SEPTIN11: variants seen among roughly 807,000 people sequenced by gnomAD.
SEPTIN11 encodes the protein septin-11.
SEPTIN11 carries 25 observed loss-of-function variants against 51.4 expected under a neutral mutation model. That is an observed-to-expected ratio of 0.49 (90% CI 0.35 to 0.68). The LOEUF (loss-of-function observed/expected upper bound fraction) is 0.68. SEPTIN11 is among the 30% of genes least tolerant of loss of function. SEPTIN11 has a pLI of 0.00. For missense variants in SEPTIN11, 381 were observed against 520.8 expected, an observed-to-expected ratio of 0.73 and a Z score of 2.61; for synonymous variants, 174 against 184.1, an observed-to-expected ratio of 0.95 and a Z score of 0.44.
intron 1 of SEPTIN11, among the ~76,000 whole-genome samples, chr4:76,983,846 A>G (rs911616247): frequency 5.9e-5 from 9 of 152,142 alleles, no homozygotes; most frequent in African/African-American, 2.2e-4. Flanking sequence ...CGTGTCTACT[A>G]AAAATACAAA....
chr4:76,965,103 C>T (rs1335740198), intron 1 of SEPTIN11, among the ~76,000 whole-genome samples: 1 of 152,038 alleles, frequency 6.6e-6, no homozygotes, highest in Non-Finnish European at 1.5e-5. Context: ...GCTTGCTTGG[C>T]ATTGTAGATA....
rs576915878 is a variant in SEPTIN11, at chr4:77,018,300, T to G, written c.688-865T>G. On this transcript the variant is annotated intron_variant, in intron 5 of 9. Coordinates refer to ENST00000264893, the MANE Select transcript of SEPTIN11 (RefSeq NM_018243.4). ...CCCGTTTCTACTAAAAATACAAAAATTAGCTGGGCATGGTGGCCGGTGCCT... is the reference window on the plus strand; with the variant it reads ...CCCGTTTCTACTAAAAATACAAAAAGTAGCTGGGCATGGTGGCCGGTGCCT... Among the ~76,000 whole-genome samples the G allele has an allele frequency of 7.2e-5, 11 of 152,082 alleles. No homozygotes were observed. The South Asian group carries it at 2.3e-3, about 32-fold the overall frequency.
chr4:76,997,063 T>C (rs576241562), intron 2 of SEPTIN11, among the ~76,000 whole-genome samples: 68 of 152,082 alleles, frequency 4.5e-4, no homozygotes, highest in Non-Finnish European at 8.8e-4. Flanking sequence ...GCCATATCCT[T>C]TTTGGACTAA....
At chr4:76,981,177 G>A (rs10518161) in intron 1 of SEPTIN11, among the ~76,000 whole-genome samples, 2,598 of 152,200 alleles carry the variant, frequency 0.017, 78 homozygotes, top group African/African-American at 0.059. Flanking sequence ...GATTTATAAC[G>A]GATTGTTGTA....
chr4:76,957,351 A>T (rs1438221153), intron 1 of SEPTIN11, among the ~76,000 whole-genome samples: 2 of 152,106 alleles, frequency 1.3e-5, no homozygotes, highest in Non-Finnish European at 2.9e-5. Flanking sequence ...CTCTACTGAG[A>T]GGCCATAGTG....
At chr4:76,997,818 G>T (rs1215989796) in intron 2 of SEPTIN11, among the ~76,000 whole-genome samples, 1 of 152,200 alleles carries the variant, frequency 6.6e-6, no homozygotes, top group Non-Finnish European at 1.5e-5. Flanking sequence ...TTGGCAATTT[G>T]TTGGGTTTCT....
At position 77,000,154 on chromosome 4, in the gene SEPTIN11, G is replaced by T. The variant is rs77310420; in HGVS notation, c.142+3615G>T. ...TTGAAGAAGAACCAGTTTGATAGTA[G>T]AGTCAAAGTAAATTAGTAATACATT... is the stretch of plus-strand genomic sequence containing the variant. On this transcript the variant is annotated intron_variant, in intron 2 of 9. Transcript: ENST00000264893. 5.5e-4 allele frequency among the ~76,000 whole-genome samples: 84 copies of T among 152,298 alleles called. 1 individual carries two copies. In the East Asian group the frequency reaches 0.013, roughly 23 times the overall value.
In SEPTIN11 at chr4:76,995,659, T is replaced by G. The variant is rs561988387; in HGVS notation, c.28-766T>G. On this transcript the variant is annotated intron_variant, in intron 1 of 9. Coordinates refer to ENST00000264893, the MANE Select transcript of SEPTIN11 (RefSeq NM_018243.4). Reference sequence around the variant, plus strand: ...TATCTCCAACACCCACGGGATGCATTCAAAGTTGTGGGGGCAGCCAGTACC... The same window carrying G: ...TATCTCCAACACCCACGGGATGCATGCAAAGTTGTGGGGGCAGCCAGTACC... 3 of 822,484 alleles carry G rather than the reference T, an allele frequency of 3.6e-6. No homozygotes were observed. The South Asian group carries it at 7.9e-5, about 22-fold the overall frequency. 50.9% of individuals were successfully genotyped at this position (822,484 alleles called of 1,614,324 possible).
intron 3 of SEPTIN11, among the ~76,000 whole-genome samples, chr4:77,008,438 A>G (rs1724637539): frequency 6.6e-6 from 1 of 152,208 alleles, no homozygotes. Flanking sequence ...TGGCCTTTAA[A>G]TTTTAAGTTT....
At chr4:76,957,719 G>A (rs1429832648) in intron 1 of SEPTIN11, among the ~76,000 whole-genome samples, 1 of 151,878 alleles carries the variant, frequency 6.6e-6, no homozygotes, top group African/African-American at 2.4e-5. Context: ...GAACCACACA[G>A]GCTTCCCATT....
At chr4:76,971,620 G>A (rs562232478) in intron 1 of SEPTIN11, among the ~76,000 whole-genome samples, 9 of 152,188 alleles carry the variant, frequency 5.9e-5, no homozygotes, top group South Asian at 4.1e-4. Flanking sequence ...ATCTTTCTAC[G>A]TATTGTGATC....
intron 7 of SEPTIN11, among the ~76,000 whole-genome samples, chr4:77,027,566 G>A (rs1379145461): frequency 2.6e-5 from 4 of 152,122 alleles, no homozygotes; most frequent in African/African-American, 9.7e-5. Context: ...GATATGTGGT[G>A]GTCTGCATGG....
chr4:77,035,439 C>A lies in SEPTIN11; in HGVS notation c.*927C>A. On this transcript the variant is annotated 3_prime_UTR_variant, in exon 10 of 10. Transcript: ENST00000264893. ...TACTTGTACTTCTAATAACATTTTT[C>A]ATGAATCATGAGAAAATTTCCACAG... 25 of 985,330 alleles carry A rather than the reference C, an allele frequency of 2.5e-5. No homozygotes were observed. The highest frequency in any genetic ancestry group is 3.0e-5 in the Non-Finnish European group (25 of 829,850). 61.0% of individuals were successfully genotyped at this position (985,330 alleles called of 1,614,324 possible).
chr4:76,967,770 T>C (rs987182032), intron 1 of SEPTIN11, among the ~76,000 whole-genome samples: 5 of 152,052 alleles, frequency 3.3e-5, no homozygotes, highest in African/African-American at 1.2e-4. Flanking sequence ...CCTTTTAGAA[T>C]GATTTAACAT....
chr4:77,032,490 C>T (rs1291509577), intron 9 of SEPTIN11, among the ~76,000 whole-genome samples: 1 of 152,188 alleles, frequency 6.6e-6, no homozygotes, highest in Admixed American at 6.5e-5. Flanking sequence ...CCAGTGAAGA[C>T]AGATGAAAGC....
At chr4:77,000,092 A>G (rs1193935661) in intron 2 of SEPTIN11, among the ~76,000 whole-genome samples, 1 of 152,268 alleles carries the variant, frequency 6.6e-6, no homozygotes, top group Non-Finnish European at 1.5e-5. Flanking sequence ...TTGTAAACAT[A>G]CAAAGGTGAA....
At chr4:76,997,550 C>A (rs76347495) in intron 2 of SEPTIN11, among the ~76,000 whole-genome samples, 3,159 of 152,224 alleles carry the variant, frequency 0.021, 114 homozygotes, top group African/African-American at 0.072. Flanking sequence ...TAGTAGAAAG[C>A]CACAATTGGC....
chr4:77,012,184 A>AT (rs1724917434), intron 4 of SEPTIN11, among the ~76,000 whole-genome samples: 1 of 151,950 alleles, frequency 6.6e-6, no homozygotes, highest in Admixed American at 6.6e-5. Flanking sequence ...AGGTTGAAAT[A>AT]TAACTTCCAG....
At chr4:77,031,033 T>A in intron 9 of SEPTIN11, 63 bp downstream of exon 9, 1 of 1,450,714 alleles carries the variant, frequency 6.9e-7, no homozygotes, top group Non-Finnish European at 9.3e-7. Context: ...TGCATGTCTC[T>A]ACTTTTCCCA....
Sources: gnomAD v4.1 joint callset for allele counts (sites outside exome capture counted in the v4.1 genomes callset) on GRCh38, gnomAD v4.1.1 for gene constraint, MANE v1.5 for transcripts, NCBI Gene and HGNC (gene_info 2026-07-23, HGNC 2026-07-21) for gene names.